SELENBP1: variants seen among roughly 807,000 people sequenced by gnomAD.
SELENBP1 encodes methanethiol oxidase.
SELENBP1 carries 71 observed loss-of-function variants against 61.0 expected under a neutral mutation model. The observed-to-expected ratio is 1.16, with a 90% CI of 0.96 to 1.42. SELENBP1 has a LOEUF of 1.42. Ranked by LOEUF, SELENBP1 falls within the 40% of genes most tolerant of loss-of-function variation. SELENBP1 has a pLI of 0.00. For synonymous variants in SELENBP1, 270 were observed against 238.9 expected (o/e 1.13, Z -1.20); for missense variants, 561 against 605.0 (o/e 0.93, Z 0.76).
At position 151,369,227 on chromosome 1, in the gene SELENBP1, G is replaced by T. The variant is rs55906289; in HGVS notation, c.175-38C>A. 24 of 1,590,860 alleles carry T rather than the reference G, an allele frequency of 1.5e-5. No individual in the cohort carries two copies. The South Asian group carries it at 2.2e-4, about 15-fold the overall frequency. ...GAGAGGTGGTGCTCCCCCAGGCCACGCCTCTGTCCACTTTTGGAAGAGGCG... is the reference window on the plus strand; with the variant it reads ...GAGAGGTGGTGCTCCCCCAGGCCACTCCTCTGTCCACTTTTGGAAGAGGCG... On this transcript the variant is annotated intron_variant, in intron 3 of 11. Coordinates refer to ENST00000368868, the MANE Select transcript of SELENBP1 (RefSeq NM_003944.4).
At chr1:151,364,872 G>T in intron 11 of SELENBP1, 54 bp downstream of exon 11, 1 of 1,573,874 alleles carries the variant, frequency 6.4e-7, no homozygotes, top group South Asian at 1.1e-5. Flanking sequence ...AAAGCCAAAT[G>T]ACCCCTCTGG....
rs772832463 is a variant in SELENBP1 at position 151,364,954 on chromosome 1, C to T, written c.1228G>A (p.Asp410Asn). The stretch of plus-strand genomic sequence containing the variant: ...ATGAGATCAGGGTAAAACTGCTTGT[C>T]CCAGGCACTGTACAGCGACGTGGTG... ...YITTSLYSAWDKQFYPDLIRE... is the reference protein window; with the variant it reads ...YITTSLYSAWNKQFYPDLIRE... Residue 410 changes from aspartate (D) to asparagine (N), a missense_variant, in exon 11 of 12, where the codon GAC (aspartate) becomes AAC (asparagine). Asp to Asn is a conservative substitution (Grantham distance 23). Coordinates refer to ENST00000368868, the MANE Select transcript of SELENBP1 (RefSeq NM_003944.4). The T allele has an allele frequency of 1.2e-6, 2 of 1,613,930 alleles. No homozygotes were observed. Among genetic ancestry groups the T allele is most frequent in the Non-Finnish European group, 8.5e-7 (1 of 1,179,976 alleles).
chr1:151,364,531 TGAG>T lies in SELENBP1; in HGVS notation c.*9_*11del. 3.7e-6 allele frequency: 6 copies of T among 1,613,692 alleles called. No homozygotes were observed. Among genetic ancestry groups the T allele is most frequent in the Non-Finnish European group, 5.1e-6 (6 of 1,179,872 alleles). ...GGCCCAAAATAGGGAGTGTGGGTGA[TGAG>T]GGTGGAGTTCAAATCCAGATGTCAG... On this transcript the variant is annotated 3_prime_UTR_variant, in exon 12 of 12. Transcript: ENST00000368868.
chr1:151,371,081 G>C (rs973749936), intron 1 of SELENBP1, among the ~76,000 whole-genome samples: 1 of 152,056 alleles, frequency 6.6e-6, no homozygotes, highest in Non-Finnish European at 1.5e-5. Context: ...TATTCCAAAG[G>C]CCTTTCATAA....
rs1651689714 is a variant in SELENBP1, at chr1:151,364,521, G to A, written c.*22C>T. On this transcript the variant is annotated 3_prime_UTR_variant, in exon 12 of 12. Coordinates refer to ENST00000368868, the MANE Select transcript of SELENBP1 (RefSeq NM_003944.4). ...AGGAAGTGAGGGCCCAAAATAGGGA[G>A]TGTGGGTGATGAGGGTGGAGTTCAA... 4 of 1,613,680 alleles carry A rather than the reference G, an allele frequency of 2.5e-6. No homozygotes were observed. Among genetic ancestry groups the A allele is most frequent in the East Asian group, 2.2e-5 (1 of 44,874 alleles).
intron 11 of SELENBP1, 57 bp from the exon 12 acceptor site, chr1:151,364,762 T>C: frequency 6.5e-7 from 1 of 1,531,914 alleles, no homozygotes; most frequent in Non-Finnish European, 8.8e-7. Flanking sequence ...CCCCTTCCCC[T>C]AAGATTTTAG....
intron 7 of SELENBP1, 69 bp from the exon 8 acceptor site, chr1:151,365,915 G>T: frequency 1.3e-6 from 2 of 1,555,864 alleles, no homozygotes; most frequent in African/African-American, 2.7e-5. Flanking sequence ...GGGACTAGGG[G>T]TTAGATCTGG....
chr1:151,372,345 C>T (rs564390477), intron 1 of SELENBP1, among the ~76,000 whole-genome samples: 4 of 152,306 alleles, frequency 2.6e-5, no homozygotes, highest in African/African-American at 9.6e-5. Context: ...ATCTGATTTT[C>T]CCAGCTGCAG....
Position 151,370,090 on chromosome 1 carries a change from C to T in SELENBP1, c.5-321G>A, listed in dbSNP as rs1652069758. 3.6e-6 allele frequency: 4 copies of T among 1,123,886 alleles called. No individual in the cohort carries two copies. The East Asian group carries it at 8.0e-5, about 22-fold the overall frequency. The allele number at this position is 1,123,886 out of a possible 1,614,324, so 69.6% of individuals were successfully genotyped here. A position where few individuals can be genotyped will look rare whatever the true frequency, so the allele number is the denominator to read the frequency against. Reference sequence around the variant, plus strand: ...ACACGGACTCGGGGCCCAACCCCAGCCCACCACTGACTAGCCAGGGGAGCT... The same window carrying T: ...ACACGGACTCGGGGCCCAACCCCAGTCCACCACTGACTAGCCAGGGGAGCT... On this transcript the variant is annotated intron_variant, in intron 1 of 11. Coordinates refer to ENST00000368868, the MANE Select transcript of SELENBP1 (RefSeq NM_003944.4).
chr1:151,369,237 A>G (rs373747021), intron 3 of SELENBP1, 48 bp from the exon 4 acceptor site: 9 of 1,555,914 alleles, frequency 5.8e-6, no homozygotes, highest in Middle Eastern at 1.9e-4. Flanking sequence ...GCCTCTGTCC[A>G]CTTTTGGAAG....
chr1:151,366,246 G>A, intron 7 of SELENBP1, 29 bp downstream of exon 7: 1 of 1,601,496 alleles, frequency 6.2e-7, no homozygotes, highest in Non-Finnish European at 8.5e-7. Context: ...AAGACTACTG[G>A]GAGGGGAGGG....
At chr1:151,366,136 C>T (rs747228639) in intron 7 of SELENBP1, 139 bp downstream of exon 7, 2 of 1,056,168 alleles carry the variant, frequency 1.9e-6, no homozygotes, top group Non-Finnish European at 2.8e-6. Context: ...GTTGCCCTAG[C>T]ACTGAGAGAA....
chr1:151,367,084 A>G (rs1651869975), intron 5 of SELENBP1, 180 bp from the exon 6 acceptor site: 2 of 1,407,772 alleles, frequency 1.4e-6, no homozygotes, highest in Non-Finnish European at 1.8e-6. Flanking sequence ...GGCTCATGCC[A>G]GTAATCCCAG....
rs1182485204 is a variant in SELENBP1, at chr1:151,366,984, T to C, written c.482-80A>G. The C allele has an allele frequency of 7.1e-6, 11 of 1,549,804 alleles. No homozygotes were observed. The South Asian group carries it at 8.6e-5, about 12-fold the overall frequency. On this transcript the variant is annotated intron_variant, in intron 5 of 11. Coordinates refer to ENST00000368868, the MANE Select transcript of SELENBP1 (RefSeq NM_003944.4). ...ACCCTCCAGCCCTCTCCCCGAGGCATGTCTAAGAGGCTGTAAGCCCATTGC... is the reference window on the plus strand; with the variant it reads ...ACCCTCCAGCCCTCTCCCCGAGGCACGTCTAAGAGGCTGTAAGCCCATTGC...
Position 151,369,426 on chromosome 1 carries a change from C to A in SELENBP1, c.174+16G>T. 6.2e-7 allele frequency: 1 copy of A among 1,601,802 alleles called. No individual in the cohort carries two copies. Among genetic ancestry groups the A allele is most frequent in the Non-Finnish European group, 8.5e-7 (1 of 1,173,614 alleles). ...GCTATGGTCTCAAAGTAGCTGGCGC[C>A]CAAGCCCCGCCTAACCTGGCAATAC... On this transcript the variant is annotated intron_variant, in intron 3 of 11. Transcript: ENST00000368868.
chr1:151,370,198 T>C (rs1280300681), intron 1 of SELENBP1: 1 of 412,678 alleles, frequency 2.4e-6, no homozygotes, highest in East Asian at 3.9e-5. Flanking sequence ...AGTGGGCTTT[T>C]ACGAGAAGTA....
intron 8 of SELENBP1, 42 bp from the exon 9 acceptor site, chr1:151,365,726 T>C: frequency 6.2e-7 from 1 of 1,614,070 alleles, no homozygotes; most frequent in Non-Finnish European, 8.5e-7. Context: ...GACTCTTGTT[T>C]CCCAGGCCAA....
chr1:151,366,951 C>G (rs1651862127), intron 5 of SELENBP1, 47 bp from the exon 6 acceptor site: 1 of 1,594,186 alleles, frequency 6.3e-7, no homozygotes, highest in Admixed American at 1.7e-5. Flanking sequence ...AGTAGAGACA[C>G]TAACCCCACC....
In SELENBP1 at chr1:151,365,673, C is replaced by G. The variant is rs181909137; in HGVS notation, c.934G>C (p.Asp312His). The G allele has an allele frequency of 1.2e-5, 19 of 1,614,156 alleles. No individual in the cohort carries two copies. The South Asian group carries it at 2.0e-4, about 17-fold the overall frequency. The change falls in exon 9 of 12, where the codon GAC (aspartate) becomes CAC (histidine). Residue 312 changes from aspartate to histidine, a missense_variant. Transcript: ENST00000368868. ...LLPEMPGLIT[D>H]ILLSLDDRFL... ...CGGTCGTCCAGGGAGAGCAGGATGT[C>G]GGTGATCAGGCCTGTGGGCAGGGGG...
Sources: gnomAD v4.1 joint callset for allele counts (sites outside exome capture counted in the v4.1 genomes callset) on GRCh38, gnomAD v4.1.1 for gene constraint, MANE v1.5 for transcripts, NCBI Gene and HGNC (gene_info 2026-07-23, HGNC 2026-07-21) for gene names.